Variants in DOCK2 observed in about 807,000 individuals in gnomAD.
DOCK2 encodes dedicator of cytokinesis 2.
Under a neutral mutation model 248.9 loss-of-function variants are expected in DOCK2, and 87 were observed. That is an observed-to-expected ratio of 0.35 (90% CI 0.29 to 0.42). The LOEUF (loss-of-function observed/expected upper bound fraction) is 0.42. DOCK2 is among the 10% of genes least tolerant of loss of function. DOCK2 has a pLI of 1.00. For missense variants in DOCK2, 1,747 were observed against 2,300.2 expected (o/e 0.76, Z 4.92); for synonymous variants, 805 against 821.6 (o/e 0.98, Z 0.35).
At chr5:170,038,006 T>C (rs1756380461) in intron 36 of DOCK2, among the ~76,000 whole-genome samples, 1 of 152,248 alleles carries the variant, frequency 6.6e-6, no homozygotes, top group Non-Finnish European at 1.5e-5. Context: ...AGCTATCATT[T>C]GGAGAAAAAT....
At position 169,982,240 on chromosome 5, in the gene DOCK2, T is replaced by G. The variant is rs1581503288; in HGVS notation, c.2800-828T>G. ...TCACCCCTGGTGGATTCGTGGCTAGTGCTTTGTTTACCAGGTTCCAGAATA... is the reference window on the plus strand; with the variant it reads ...TCACCCCTGGTGGATTCGTGGCTAGGGCTTTGTTTACCAGGTTCCAGAATA... On this transcript the variant is annotated intron_variant, in intron 27 of 51. Transcript: ENST00000520908. Among the ~76,000 whole-genome samples, 4 of 152,148 alleles carry G rather than the reference T, an allele frequency of 2.6e-5. No homozygotes were observed. The South Asian group carries it at 8.3e-4, about 32-fold the overall frequency.
chr5:169,848,523 G>A (rs765145975), intron 27 of DOCK2, among the ~76,000 whole-genome samples: 28 of 152,332 alleles, frequency 1.8e-4, no homozygotes, highest in Non-Finnish European at 3.4e-4. Flanking sequence ...CTCTAGAGAG[G>A]GCTGTCCCGT....
At chr5:170,067,428 A>G (rs975217537) in intron 44 of DOCK2, 82 bp from the exon 45 acceptor site, 6 of 1,430,588 alleles carry the variant, frequency 4.2e-6, no homozygotes, top group Non-Finnish European at 4.8e-6. Flanking sequence ...TTCCCACCCC[A>G]AGTGAAATCA....
At chr5:169,642,848 C>A (rs571221345) in intron 1 of DOCK2, among the ~76,000 whole-genome samples, 1 of 152,336 alleles carries the variant, frequency 6.6e-6, no homozygotes, top group East Asian at 1.9e-4. Context: ...TTTCTAAGCT[C>A]TGCTTCCTCC....
At chr5:169,788,257 G>A (rs1247630097) in intron 25 of DOCK2, among the ~76,000 whole-genome samples, 2 of 152,116 alleles carry the variant, frequency 1.3e-5, no homozygotes, top group African/African-American at 4.8e-5. Context: ...TTGGCATTTG[G>A]CAGACGCTTG....
chr5:170,024,235 A>T (rs1250805159), intron 33 of DOCK2, among the ~76,000 whole-genome samples: 2 of 152,056 alleles, frequency 1.3e-5, no homozygotes, highest in African/African-American at 4.8e-5. Context: ...GCAGTCATGT[A>T]GCTGTGGATG....
intron 3 of DOCK2, among the ~76,000 whole-genome samples, chr5:169,669,717 G>A (rs896543449): frequency 2.6e-5 from 4 of 152,124 alleles, no homozygotes; most frequent in Non-Finnish European, 5.9e-5. Flanking sequence ...GAAAGGACAG[G>A]CCTGATTTCT....
intron 2 of DOCK2, 52 bp from the exon 3 acceptor site, chr5:169,669,236 G>A (rs1758905509): frequency 6.2e-7 from 1 of 1,607,402 alleles, no homozygotes; most frequent in Non-Finnish European, 8.5e-7. Flanking sequence ...AAAAACACTA[G>A]CAACAAACTT....
intron 22 of DOCK2, among the ~76,000 whole-genome samples, chr5:169,720,146 C>T (rs1003137213): frequency 3.5e-4 from 53 of 152,316 alleles, no homozygotes; most frequent in African/African-American, 1.2e-3. Context: ...TCAGATTCCT[C>T]TGGCTTGTCA....
intron 12 of DOCK2, among the ~76,000 whole-genome samples, chr5:169,699,777 T>C (rs1245352989): frequency 6.6e-6 from 1 of 152,016 alleles, no homozygotes; most frequent in East Asian, 1.9e-4. Flanking sequence ...CATCCTCACT[T>C]TGGGCTTAGA....
At chr5:169,743,590 T>C (rs1454249581) in intron 22 of DOCK2, among the ~76,000 whole-genome samples, 3 of 152,198 alleles carry the variant, frequency 2.0e-5, no homozygotes, top group African/African-American at 2.4e-5. Context: ...TGAATGAGCA[T>C]TAGGACTCCT....
intron 26 of DOCK2, among the ~76,000 whole-genome samples, chr5:169,817,181 C>T (rs1581234211): frequency 6.6e-6 from 1 of 152,232 alleles, no homozygotes. Context: ...CTCCGTCTCA[C>T]TCACCACCTC....
intron 27 of DOCK2, among the ~76,000 whole-genome samples, chr5:169,982,836 G>A (rs1777976955): frequency 6.6e-6 from 1 of 152,196 alleles, no homozygotes; most frequent in Admixed American, 6.5e-5. Flanking sequence ...TTTGAAATAG[G>A]CTGGATTTCC....
intron 1 of DOCK2, among the ~76,000 whole-genome samples, chr5:169,641,956 T>TG (rs1757173877): frequency 6.6e-6 from 1 of 152,236 alleles, no homozygotes; most frequent in South Asian, 2.1e-4. Context: ...AGCCTAATAA[T>TG]GGGCCTCACT....
At chr5:169,717,560 T>G in intron 21 of DOCK2, 76 bp downstream of exon 21, 1 of 1,360,364 alleles carries the variant, frequency 7.4e-7, no homozygotes, top group South Asian at 1.2e-5. Flanking sequence ...CACAGGAACT[T>G]GAGTAATTTT....
At chr5:169,646,560 A>G (rs2113123271) in intron 1 of DOCK2, among the ~76,000 whole-genome samples, 1 of 152,306 alleles carries the variant, frequency 6.6e-6, no homozygotes, top group African/African-American at 2.4e-5. Flanking sequence ...GCAGAGCTGT[A>G]TGGAGGGTTA....
chr5:169,864,275 A>G, intron 27 of DOCK2: 1 of 1,551,558 alleles, frequency 6.4e-7, no homozygotes, highest in Non-Finnish European at 8.7e-7. Context: ...CAACCAGCTC[A>G]GATCCACCAG....
intron 30 of DOCK2, among the ~76,000 whole-genome samples, chr5:170,005,817 AT>A (rs1269498275): frequency 6.6e-6 from 1 of 152,208 alleles, no homozygotes; most frequent in African/African-American, 2.4e-5. Flanking sequence ...TCAGGGTAGA[AT>A]AGATACTGGC....
chr5:169,941,649 C>T (rs1028128938), intron 27 of DOCK2, among the ~76,000 whole-genome samples: 13 of 152,136 alleles, frequency 8.5e-5, no homozygotes, highest in African/African-American at 3.1e-4. Context: ...CTGTGGGGAC[C>T]GTGACGGCTC....
Sources: gnomAD v4.1 joint callset for allele counts (sites outside exome capture counted in the v4.1 genomes callset) on GRCh38, gnomAD v4.1.1 for gene constraint, MANE v1.5 for transcripts, NCBI Gene and HGNC (gene_info 2026-07-23, HGNC 2026-07-21) for gene names.